Variants in NSL1 observed in about 807,000 individuals in gnomAD.
The protein encoded by NSL1 is kinetochore-associated protein NSL1 homolog.
Under a neutral mutation model 25.4 loss-of-function variants are expected in NSL1, and 11 were observed. The observed-to-expected ratio is 0.43, with a 90% confidence interval of 0.27 to 0.72. NSL1 has a LOEUF of 0.72. Ranked by LOEUF, NSL1 falls within the 30% of genes least tolerant of loss-of-function variation. The pLI, the probability that NSL1 is intolerant of heterozygous loss-of-function variation, is 0.19. For synonymous variants in NSL1, 118 were observed against 120.6 expected (o/e 0.98, Z 0.14); for missense variants, 330 against 342.7 (o/e 0.96, Z 0.29).
At chr1:212,783,724 C>G (rs1482900062) in intron 3 of NSL1, among the ~76,000 whole-genome samples, 1 of 152,044 alleles carries the variant, frequency 6.6e-6, no homozygotes, top group Non-Finnish European at 1.5e-5. Flanking sequence ...TTTATTTATT[C>G]TAGTCCTAAT....
chr1:212,772,670 T>C lies in NSL1; in HGVS notation c.499+9702A>G, dbSNP rs202191669. Among the ~76,000 whole-genome samples the C allele has an allele frequency of 8.9e-5, 13 of 146,056 alleles. No homozygotes were observed. In the East Asian group the frequency reaches 9.9e-4, roughly 11 times the overall value. ...CAAGCCTGAGTGACAGAGTGAGACATTGTCTCAAAAAAAGAAAAAAAGAAA... is the reference window on the plus strand; with the variant it reads ...CAAGCCTGAGTGACAGAGTGAGACACTGTCTCAAAAAAAGAAAAAAAGAAA... On this transcript the variant is annotated intron_variant, in intron 4 of 5. Transcript: ENST00000366977.
chr1:212,788,718 G>A (rs1252562355), intron 1 of NSL1, among the ~76,000 whole-genome samples: 2 of 152,162 alleles, frequency 1.3e-5, no homozygotes, highest in Admixed American at 1.3e-4. Context: ...TTTCAGCACT[G>A]TTTGAAATTT....
intron 4 of NSL1, among the ~76,000 whole-genome samples, chr1:212,742,058 C>T (rs1236611390): frequency 6.6e-6 from 1 of 152,160 alleles, no homozygotes; most frequent in East Asian, 1.9e-4. Context: ...CCACCCCCCA[C>T]TTCAGAACAT....
At chr1:212,782,073 C>T (rs760253191) in intron 4 of NSL1, 5 of 619,206 alleles carry the variant, frequency 8.1e-6, no homozygotes, top group Non-Finnish European at 1.2e-5. Context: ...ATAGATAGTA[C>T]AATGACAGAG....
In NSL1 at chr1:212,738,341, A is replaced by G. The variant is rs1658325359; in HGVS notation, c.*67T>C. ...ATTTCAAATGAAGTCTTATCTAGGTATTAATTAGGCTGTAATCTAAATGTT... is the reference window on the plus strand; with the variant it reads ...ATTTCAAATGAAGTCTTATCTAGGTGTTAATTAGGCTGTAATCTAAATGTT... On this transcript the variant is annotated 3_prime_UTR_variant, in exon 6 of 6. Coordinates refer to ENST00000366977, the MANE Select transcript of NSL1 (RefSeq NM_015471.4). 1.3e-6 allele frequency: 2 copies of G among 1,536,364 alleles called. No individual in the cohort carries two copies. The highest frequency in any genetic ancestry group is 2.1e-5 in the Admixed American group (1 of 46,650).
intron 4 of NSL1, among the ~76,000 whole-genome samples, chr1:212,743,784 G>A (rs1164538531): frequency 6.6e-6 from 1 of 152,146 alleles, no homozygotes; most frequent in Admixed American, 6.5e-5. Context: ...GCAAGAGCAA[G>A]TGAAATCTGG....
chr1:212,779,131 G>A (rs1206178482), intron 4 of NSL1, among the ~76,000 whole-genome samples: 19 of 146,190 alleles, frequency 1.3e-4, no homozygotes, highest in East Asian at 6.4e-4. Flanking sequence ...CCTGGCAACC[G>A]CCCCATCTGA....
chr1:212,735,328 A>G lies in NSL1; in HGVS notation c.*3080T>C. The G allele has an allele frequency of 2.0e-6, 2 of 985,406 alleles. No homozygotes were observed. The highest frequency in any genetic ancestry group is 2.4e-6 in the Non-Finnish European group (2 of 829,886). 61.0% of individuals were successfully genotyped at this position (985,406 alleles called of 1,614,324 possible). A position where few individuals can be genotyped will look rare whatever the true frequency, so the allele number is the denominator to read the frequency against. On this transcript the variant is annotated 3_prime_UTR_variant, in exon 6 of 6. Coordinates refer to ENST00000366977, the MANE Select transcript of NSL1 (RefSeq NM_015471.4). Reference sequence around the variant, plus strand: ...TTGATCCGAGTAGGTGTCCAACTGTATGTGTTGAACAGATGAATAAATGAA... The same window carrying G: ...TTGATCCGAGTAGGTGTCCAACTGTGTGTGTTGAACAGATGAATAAATGAA...
intron 4 of NSL1, among the ~76,000 whole-genome samples, chr1:212,754,080 CT>C: frequency 6.6e-6 from 1 of 152,128 alleles, no homozygotes; most frequent in Non-Finnish European, 1.5e-5. Flanking sequence ...TAAGGGAATG[CT>C]AAAAGTCTAG....
intron 4 of NSL1, among the ~76,000 whole-genome samples, chr1:212,761,540 G>A (rs1276922554): frequency 6.6e-6 from 1 of 152,166 alleles, no homozygotes; most frequent in African/African-American, 2.4e-5. Context: ...TTGGGAGGCG[G>A]AGGTGGAAGA....
At chr1:212,744,705 TATA>T (rs1222753875) in intron 4 of NSL1, among the ~76,000 whole-genome samples, 3 of 151,958 alleles carry the variant, frequency 2.0e-5, no homozygotes, top group Admixed American at 1.3e-4. Flanking sequence ...AGCTAAAAAG[TATA>T]ATAACTGAAA....
At chr1:212,768,332 A>C (rs868583589) in intron 4 of NSL1, among the ~76,000 whole-genome samples, 4 of 151,398 alleles carry the variant, frequency 2.6e-5, no homozygotes, top group South Asian at 2.1e-4. Flanking sequence ...AAAAAAAAAA[A>C]AAAAAAAAAA....
chr1:212,727,161 A>C lies in NSL1; in HGVS notation c.*11247T>G. 1 of 1,573,676 alleles carries C rather than the reference A, an allele frequency of 6.4e-7. No homozygotes were observed. Among genetic ancestry groups the C allele is most frequent in the Non-Finnish European group, 8.6e-7 (1 of 1,160,476 alleles). ...TCTCTCCTAAACTGCCCCTAGAGCT[A>C]GTCCACCAGGCTTGGCTCCTAATGT... On this transcript the variant is annotated 3_prime_UTR_variant, in exon 6 of 6. Transcript: ENST00000366977.
chr1:212,744,271 C>T lies in NSL1; in HGVS notation c.500-4670G>A, dbSNP rs368046505. On this transcript the variant is annotated intron_variant, in intron 4 of 5. Transcript: ENST00000366977. ...TCTCTGACAAATCACTAGCTGACCA[C>T]TAAGCTAATGGAATGGAGACTTCAG... Among the ~76,000 whole-genome samples the T allele has an allele frequency of 9.8e-4, 149 of 152,252 alleles. 1 individual carries two copies. The South Asian group carries it at 0.027, about 28-fold the overall frequency.
chr1:212,749,655 T>A (rs1658973659), intron 4 of NSL1, among the ~76,000 whole-genome samples: 1 of 152,104 alleles, frequency 6.6e-6, no homozygotes, highest in Non-Finnish European at 1.5e-5. Context: ...CTCACTAGGA[T>A]TCTTAGAGAC....
intron 4 of NSL1, among the ~76,000 whole-genome samples, chr1:212,779,969 C>T (rs1158875334): frequency 1.3e-5 from 2 of 151,668 alleles, no homozygotes; most frequent in African/African-American, 2.4e-5. Context: ...AGTGAGGAGC[C>T]CCTCTGCCCG....
At chr1:212,779,513 G>T (rs1660587709) in intron 4 of NSL1, among the ~76,000 whole-genome samples, 1 of 115,310 alleles carries the variant, frequency 8.7e-6, no homozygotes, top group Admixed American at 7.7e-5. Flanking sequence ...GAGGTGGGGG[G>T]GTCAGCCCCC....
At position 212,730,212 on chromosome 1, in the gene NSL1, T is replaced by TAC. The variant is rs1657956732; in HGVS notation, c.*8194_*8195dup. On this transcript the variant is annotated 3_prime_UTR_variant, in exon 6 of 6. Coordinates refer to ENST00000366977, the MANE Select transcript of NSL1 (RefSeq NM_015471.4). The stretch of plus-strand genomic sequence containing the variant: ...TTGCAGTGAGTTGAGATCGCTCCAC[T>TAC]ACACTCCAGCCTGGGTGACAGTCTC... 1 of 932,870 alleles carries TAC rather than the reference T, an allele frequency of 1.1e-6. No homozygotes were observed. Among genetic ancestry groups the TAC allele is most frequent in the Admixed American group, 1.2e-4 (1 of 8,002 alleles). The allele number at this position is 932,870 out of a possible 1,614,324, so 57.8% of individuals were successfully genotyped here. A position where few individuals can be genotyped will look rare whatever the true frequency, so the allele number is the denominator to read the frequency against.
chr1:212,775,255 G>A (rs754144459), intron 4 of NSL1, among the ~76,000 whole-genome samples: 2 of 152,278 alleles, frequency 1.3e-5, no homozygotes, highest in South Asian at 2.1e-4. Context: ...CAAGATGAGA[G>A]ACTGGAAATA....
Sources: allele counts gnomAD v4.1 joint callset (sites outside exome capture counted in the v4.1 genomes callset), GRCh38; gene constraint gnomAD v4.1.1; transcripts MANE v1.5; gene names NCBI Gene and HGNC (gene_info 2026-07-23, HGNC 2026-07-21).